Variants in HMCN2 observed in about 807,000 individuals in gnomAD.
HMCN2 encodes hemicentin 2.
Under a neutral mutation model 377.5 loss-of-function variants are expected in HMCN2, and 325 were observed. The observed-to-expected ratio is 0.86, with a 90% CI of 0.79 to 0.94. The LOEUF (loss-of-function observed/expected upper bound fraction) is 0.94. Ranked by LOEUF, HMCN2 falls within the 40% of genes least tolerant of loss-of-function variation. HMCN2 has a pLI of 0.00. For missense variants in HMCN2, 4,543 were observed against 4,725.3 expected (o/e 0.96, Z 1.13); for synonymous variants, 2,007 against 2,046.8 (o/e 0.98, Z 0.53).
In HMCN2 at chr9:130,377,729, G is replaced by A. The variant is rs992887057; in HGVS notation, c.8142G>A (p.Ser2714=). Residue 2714 remains serine, a synonymous_variant, in exon 53 of 98, where the codon TCG becomes TCA. Coordinates refer to ENST00000683500, the MANE Select transcript of HMCN2 (RefSeq NM_001291815.2). ...LQIQPTQVSD[S]GRYLCVATNV... Reference sequence around the variant, plus strand: ...TCCAGCCCACACAGGTCTCAGACTCGGGGCGGTACCTGTGTGTGGCCACCA... The same window carrying A: ...TCCAGCCCACACAGGTCTCAGACTCAGGGCGGTACCTGTGTGTGGCCACCA... 1.6e-5 allele frequency: 16 copies of A among 985,796 alleles called. No homozygotes were observed. In the African/African-American group the frequency reaches 2.1e-4, roughly 13 times the overall value. The allele number at this position is 985,796 out of a possible 1,614,324, so 61.1% of individuals were successfully genotyped here. A position where few individuals can be genotyped will look rare whatever the true frequency, so the allele number is the denominator to read the frequency against.
chr9:130,316,436 A>G (rs1269374928), intron 15 of HMCN2, among the ~76,000 whole-genome samples: 1 of 151,942 alleles, frequency 6.6e-6, no homozygotes, highest in Non-Finnish European at 1.5e-5. Context: ...CAGAGCAGGA[A>G]AAAAAGGACG....
At chr9:130,343,638 T>TG in intron 25 of HMCN2, among the ~76,000 whole-genome samples, 1 of 152,054 alleles carries the variant, frequency 6.6e-6, no homozygotes, top group African/African-American at 2.4e-5. Flanking sequence ...TGGGAGACAG[T>TG]GGAAGGTGGG....
chr9:130,391,635 A>G, intron 65 of HMCN2, 61 bp downstream of exon 65: 1 of 985,326 alleles, frequency 1.0e-6, no homozygotes, highest in Middle Eastern at 5.1e-4. Context: ...AGATAAGGCG[A>G]CATGTGAGCA....
In HMCN2 at chr9:130,354,769, C is replaced by T. The variant is rs1839930477; in HGVS notation, c.4871C>T (p.Pro1624Leu). ...KATRLDVYVPPTIEGAGGRPY... is the reference protein window; with the variant it reads ...KATRLDVYVPLTIEGAGGRPY... ...CCCCCTGCCTCTTTTCCAGTCCCAC[C>T]TACCATCGAGGGCGCCGGTGGAAGA... is the stretch of plus-strand genomic sequence containing the variant. Residue 1624 changes from proline to leucine, a missense_variant, in exon 32 of 98, where the codon CCT becomes CTT. By Grantham distance (98) the Pro-to-Leu change is moderately conservative. Transcript: ENST00000683500. 1 of 1,299,298 alleles carries T rather than the reference C, an allele frequency of 7.7e-7. No homozygotes were observed. The highest frequency in any genetic ancestry group is 1.0e-6 in the Non-Finnish European group (1 of 985,412). 80.5% of individuals were successfully genotyped at this position (1,299,298 alleles called of 1,614,324 possible).
intron 1 of HMCN2, among the ~76,000 whole-genome samples, chr9:130,266,388 G>A (rs540433428): frequency 6.7e-6 from 1 of 149,244 alleles, no homozygotes; most frequent in African/African-American, 2.5e-5. Context: ...CTCCCGCGCC[G>A]TTGTGAGACT....
chr9:130,338,512 A>G (rs879034410), intron 23 of HMCN2: 51,836 of 152,262 alleles, frequency 0.34, 9,163 homozygotes, highest in East Asian at 0.55. Context: ...TGCCATCAAC[A>G]AGGCACTTTG....
At position 130,402,771 on chromosome 9, in the gene HMCN2, C is replaced by T; in HGVS notation, c.11771-18C>T. The T allele has an allele frequency of 7.8e-7, 1 of 1,287,382 alleles. No individual in the cohort carries two copies. Among genetic ancestry groups the T allele is most frequent in the South Asian group, 1.2e-5 (1 of 80,930 alleles). The allele number at this position is 1,287,382 out of a possible 1,614,324, so 79.7% of individuals were successfully genotyped here. On this transcript the variant is annotated intron_variant, in intron 77 of 97. Coordinates refer to ENST00000683500, the MANE Select transcript of HMCN2 (RefSeq NM_001291815.2). ...GGGACCTCTGTCCTGATCCCCTCAC[C>T]CTGATTCCCACCAACAGGCGCCCTG...
At chr9:130,300,123 G>A (rs1554933858) in intron 8 of HMCN2, among the ~76,000 whole-genome samples, 1 of 142,554 alleles carries the variant, frequency 7.0e-6, no homozygotes. Flanking sequence ...ACCCATTCAT[G>A]CATCCATCCA....
In HMCN2 at chr9:130,309,972, C is replaced by T. The variant is rs371438649; in HGVS notation, c.2261C>T (p.Ala754Val). Reference sequence around the variant, plus strand: ...AGCTCTGGGAAGCTGCGGATCCCGGCGGCTCAGGAGAGGGATGCTGGCACC... The same window carrying T: ...AGCTCTGGGAAGCTGCGGATCCCGGTGGCTCAGGAGAGGGATGCTGGCACC... ...GSSSGKLRIP[A>V]AQERDAGTYT... is the part of the protein sequence containing the mutation. The change falls in exon 15 of 98, where the codon GCG becomes GTG. Residue 754 changes from alanine to valine, a missense_variant. This residue lies in a region of HMCN2 where 547 missense variants were observed against 189.9 expected (regional missense o/e 2.88). Coordinates refer to ENST00000683500, the MANE Select transcript of HMCN2 (RefSeq NM_001291815.2). 6 of 530,972 alleles carry T rather than the reference C, an allele frequency of 1.1e-5. No homozygotes were observed. The highest frequency in any genetic ancestry group is 9.6e-5 in the African/African-American group (5 of 51,884). 32.9% of individuals were successfully genotyped at this position (530,972 alleles called of 1,614,324 possible).
rs1241504109 is a variant in HMCN2 at position 130,342,054 on chromosome 9, A to AATAAATAAAT, written c.3743-287_3743-286insTATAAATAAA. Reference sequence around the variant, plus strand: ...AAATAAATAAATAAATAAATAAATAAATAAATAAAAGCTTGGAAAGCCACT... The same window carrying AATAAATAAAT: ...AAATAAATAAATAAATAAATAAATAAATAAATAAATATAAATAAAAGCTTGGAAAGCCACT... On this transcript the variant is annotated intron_variant, in intron 24 of 97. Transcript: ENST00000683500. Among the ~76,000 whole-genome samples the AATAAATAAAT allele has an allele frequency of 2.8e-4, 42 of 151,050 alleles. 1 individual carries two copies. Among genetic ancestry groups the AATAAATAAAT allele is most frequent in the Middle Eastern group, 3.4e-3 (1 of 292 alleles).
In HMCN2 at chr9:130,433,392, C is replaced by G. The variant is rs1008625516; in HGVS notation, c.14939C>G (p.Pro4980Arg). 3.4e-6 allele frequency: 5 copies of G among 1,488,500 alleles called. No individual in the cohort carries two copies. Among genetic ancestry groups the G allele is most frequent in the Non-Finnish European group, 8.9e-7 (1 of 1,127,114 alleles). 92.2% of individuals were successfully genotyped at this position (1,488,500 alleles called of 1,614,324 possible). A position where few individuals can be genotyped will look rare whatever the true frequency, so the allele number is the denominator to read the frequency against. Residue 4980 changes from proline to arginine, a missense_variant, in exon 98 of 98, where the codon CCC becomes CGC. By Grantham distance (103) the Pro-to-Arg change is moderately radical. Coordinates refer to ENST00000683500, the MANE Select transcript of HMCN2 (RefSeq NM_001291815.2). ...TCGCAGGACTGCGGCACGGGCGGCC[C>G]CTCTACGCTGCAGTACCGGCTGCTG... is the stretch of plus-strand genomic sequence containing the variant. ...RCSQDCGTGG[P>R]STLQYRLLPL...
chr9:130,323,728 G>T (rs941984940), intron 19 of HMCN2, among the ~76,000 whole-genome samples: 2 of 151,252 alleles, frequency 1.3e-5, no homozygotes, highest in Non-Finnish European at 2.9e-5. Context: ...TTTCTGAGAC[G>T]CAGTCACTCT....
chr9:130,417,468 G>C (rs1422638549), intron 85 of HMCN2, among the ~76,000 whole-genome samples: 1 of 145,958 alleles, frequency 6.9e-6, no homozygotes, highest in Admixed American at 7.1e-5. Context: ...GTTGCAGTGA[G>C]CTGAGATCGT....
chr9:130,357,529 G>C (rs1378601124), intron 34 of HMCN2, among the ~76,000 whole-genome samples: 2 of 151,656 alleles, frequency 1.3e-5, no homozygotes, highest in Non-Finnish European at 2.9e-5. Context: ...GGATGGGTGG[G>C]TGGATGGATG....
chr9:130,348,472 C>A, intron 26 of HMCN2, 73 bp from the exon 27 acceptor site: 1 of 1,271,994 alleles, frequency 7.9e-7, no homozygotes, highest in Non-Finnish European at 1.0e-6. Flanking sequence ...GAGGGAATGG[C>A]CCAGATGAGG....
intron 66 of HMCN2, among the ~76,000 whole-genome samples, chr9:130,392,729 G>A (rs1342527446): frequency 6.9e-6 from 1 of 145,616 alleles, no homozygotes; most frequent in African/African-American, 2.6e-5. Flanking sequence ...CGGGTGCGGT[G>A]GCTCACGCCT....
Position 130,357,845 on chromosome 9 carries a change from G to A in HMCN2, c.5437G>A (p.Val1813Ile), listed in dbSNP as rs763834893. 2 of 1,303,386 alleles carry A rather than the reference G, an allele frequency of 1.5e-6. No homozygotes were observed. Among genetic ancestry groups the A allele is most frequent in the South Asian group, 2.5e-5 (2 of 80,898 alleles). The allele number at this position is 1,303,386 out of a possible 1,614,324, so 80.7% of individuals were successfully genotyped here. Residue 1813 changes from valine to isoleucine, a missense_variant, in exon 35 of 98, where the codon GTC becomes ATC. This residue lies in a region of HMCN2 where 1,032 missense variants were observed against 1,285.1 expected (regional missense o/e 0.80). Transcript: ENST00000683500. ...VEVSVHEFPSVSIIGGENITA... is the reference protein window; with the variant it reads ...VEVSVHEFPSISIIGGENITA... ...CTTTCCCTTCCCAGAGTTCCCATCG[G>A]TCAGTATCATTGGGGGTGAGAACAT... is the stretch of plus-strand genomic sequence containing the variant.
Position 130,412,326 on chromosome 9 carries a change from C to G in HMCN2, c.12961+1674C>G, listed in dbSNP as rs191769532. On this transcript the variant is annotated intron_variant, in intron 85 of 97. Transcript: ENST00000683500. ...ATTTTACTAGTGAGTTTCTAGAGTTCTTTACATAGCATGGATATAGCCCTT... is the reference window on the plus strand; with the variant it reads ...ATTTTACTAGTGAGTTTCTAGAGTTGTTTACATAGCATGGATATAGCCCTT... Among the ~76,000 whole-genome samples, 9 of 152,236 alleles carry G rather than the reference C, an allele frequency of 5.9e-5. No homozygotes were observed. The East Asian group carries it at 1.7e-3, about 29-fold the overall frequency.
chr9:130,434,103 A>C lies in HMCN2; in HGVS notation c.*410A>C. The stretch of plus-strand genomic sequence containing the variant: ...TCATTCTGAACCCTGTTGCAATATA[A>C]AGGGATTTTTTTTTAACCAACTTGG... On this transcript the variant is annotated 3_prime_UTR_variant, in exon 98 of 98. Coordinates refer to ENST00000683500, the MANE Select transcript of HMCN2 (RefSeq NM_001291815.2). 3 of 167,522 alleles carry C rather than the reference A, an allele frequency of 1.8e-5. No homozygotes were observed. The highest frequency in any genetic ancestry group is 1.7e-4 in the East Asian group (1 of 5,916). 10.4% of individuals were successfully genotyped at this position (167,522 alleles called of 1,614,324 possible).
Sources: allele counts gnomAD v4.1 joint callset (sites outside exome capture counted in the v4.1 genomes callset), GRCh38; gene constraint gnomAD v4.1.1; regional missense constraint gnomAD v4.1.1; transcripts MANE v1.5; gene names NCBI Gene and HGNC (gene_info 2026-07-23, HGNC 2026-07-21).